The following RYR1 variants were observed in gnomAD, a reference collection of about 807,000 sequenced individuals.
The protein encoded by RYR1 is ryanodine receptor 1.
Under a neutral mutation model 583.5 loss-of-function variants are expected in RYR1, and 342 were observed. The ratio of observed to expected loss-of-function variants is 0.59; its 90% CI spans 0.54 to 0.64. The LOEUF is 0.64. Among genes scored for constraint, RYR1 ranks in the 30% least tolerant of loss-of-function variants. The pLI, the probability that RYR1 is intolerant of heterozygous loss-of-function variation, is 0.00. For synonymous variants in RYR1, 2,791 were observed against 2,822.5 expected (o/e 0.99, Z 0.35); for missense variants, 6,032 against 6,917.2 (o/e 0.87, Z 4.54).
chr19:38,518,364 A>C (rs190644644), intron 66 of RYR1, among the ~76,000 whole-genome samples: 5 of 149,888 alleles, frequency 3.3e-5, no homozygotes, highest in Admixed American at 1.3e-4. Context: ...GTTCAAGACT[A>C]GCCTGGGCAA....
chr19:38,514,469 T>TG (rs1970866472), intron 63 of RYR1, among the ~76,000 whole-genome samples: 1 of 151,480 alleles, frequency 6.6e-6, no homozygotes, highest in African/African-American at 2.4e-5. Context: ...TTAGTAGAGA[T>TG]GGGGTTTCAC....
intron 16 of RYR1, among the ~76,000 whole-genome samples, chr19:38,455,967 GTTTTT>G (rs201725585): frequency 4.1e-4 from 45 of 108,448 alleles, no homozygotes; most frequent in East Asian, 2.3e-3. Context: ...TCTCTGAAAT[GTTTTT>G]TTTTTTTTTT....
chr19:38,533,435 C>A (rs1380042388), intron 78 of RYR1, among the ~76,000 whole-genome samples: 1 of 152,158 alleles, frequency 6.6e-6, no homozygotes, highest in Non-Finnish European at 1.5e-5. Context: ...TATTGAATAG[C>A]TATCAAAATA....
chr19:38,473,725 G>A lies in RYR1; in HGVS notation c.4114G>A (p.Ala1372Thr). ...GGGGGGAGAGGCGCAGCCCGCCAGG[G>A]CGGAGAATGAGAAGGATGCCACCAC... ...QAGGEAQPAR[A>T]ENEKDATTEK... is the part of the protein sequence containing the mutation. Residue 1372 changes from alanine to threonine, a missense_variant, in exon 28 of 106, where the codon GCG becomes ACG. By Grantham distance (58) the Ala-to-Thr change is moderately conservative. Coordinates refer to ENST00000359596, the MANE Select transcript of RYR1 (RefSeq NM_000540.3). 1 of 1,546,320 alleles carries A rather than the reference G, an allele frequency of 6.5e-7. No homozygotes were observed. The highest frequency in any genetic ancestry group is 8.7e-7 in the Non-Finnish European group (1 of 1,145,304).
intron 72 of RYR1, 40 bp downstream of exon 72, chr19:38,527,092 A>G: frequency 6.2e-7 from 1 of 1,603,282 alleles, no homozygotes; most frequent in Non-Finnish European, 8.5e-7. Context: ...AGCAAGTCAG[A>G]AAGTAACCAC....
intron 20 of RYR1, 114 bp from the exon 21 acceptor site, chr19:38,463,309 G>C (rs1215832666): frequency 2.4e-6 from 2 of 826,822 alleles, no homozygotes; most frequent in Non-Finnish European, 4.0e-6. Flanking sequence ...TGGATGGTGG[G>C]AAAGGGGGTG....
At position 38,460,517 on chromosome 19, in the gene RYR1, G is replaced by T. The variant is rs763120698; in HGVS notation, c.2503G>T (p.Gly835Trp). The T allele has an allele frequency of 2.7e-5, 44 of 1,614,042 alleles. No homozygotes were observed. The highest frequency in any genetic ancestry group is 3.2e-5 in the Non-Finnish European group (38 of 1,180,044). Residue 835 changes from glycine to tryptophan, a missense_variant, in exon 20 of 106, where the codon GGG becomes TGG. Transcript: ENST00000359596. Reference protein sequence around the residue: ...IKEYRREGPRGPHLVGPSRCL... With the variant: ...IKEYRREGPRWPHLVGPSRCL... ...GGAGTATCGACGGGAGGGGCCCCGG[G>T]GGCCTCACCTGGTGGGCCCCAGTCG...
At chr19:38,468,936 A>G (rs1968267718) in intron 25 of RYR1, 30 bp from the exon 26 acceptor site, 4 of 1,612,898 alleles carry the variant, frequency 2.5e-6, no homozygotes, top group Non-Finnish European at 3.4e-6. Context: ...GTGTCTCCCC[A>G]CACCATGTCT....
intron 90 of RYR1, among the ~76,000 whole-genome samples, chr19:38,563,902 G>A (rs546474180): frequency 1.2e-4 from 18 of 152,160 alleles, no homozygotes; most frequent in African/African-American, 4.3e-4. Context: ...AACTTTCTGG[G>A]CCTCCCTGTC....
At chr19:38,585,376 ATATATATATATGTTTATT>A (rs1308051393) in intron 102 of RYR1, among the ~76,000 whole-genome samples, 2 of 147,288 alleles carry the variant, frequency 1.4e-5, no homozygotes, top group South Asian at 2.1e-4. Flanking sequence ...TGAGATATAT[ATATATATATATGTTTATT>A]TATATATATA....
rs763113429 is a variant in RYR1 at position 38,478,575 on chromosome 19, G to A, written c.4595G>A (p.Gly1532Asp). The change falls in exon 31 of 106, where the codon GGC (glycine) becomes GAC (aspartate). Residue 1532 changes from glycine (G) to aspartate (D), a missense_variant. Coordinates refer to ENST00000359596, the MANE Select transcript of RYR1 (RefSeq NM_000540.3). ...ATGLMTFTANGKESNTFFQVE... is the reference protein window; with the variant it reads ...ATGLMTFTANDKESNTFFQVE... ...GGCTTAATGACCTTTACAGCCAATG[G>A]CAAAGAGAGCAACACCTTTTTCCAG... 1.9e-6 allele frequency: 3 copies of A among 1,613,142 alleles called. No individual in the cohort carries two copies. The highest frequency in any genetic ancestry group is 2.5e-6 in the Non-Finnish European group (3 of 1,180,006).
At position 38,473,625 on chromosome 19, in the gene RYR1, T is replaced by G. The variant is rs1254083981; in HGVS notation, c.4014T>G (p.Ala1338=). The change falls in exon 28 of 106, where the codon GCT becomes GCG. Residue 1338 remains alanine (A), a synonymous_variant. Coordinates refer to ENST00000359596, the MANE Select transcript of RYR1 (RefSeq NM_000540.3). ...ACTACGAAAACCTGCGCCGCTCAGC[T>G]GGGGGCTGGAGCGAGGCAGAGAACG... The part of the protein sequence containing the change: ...DPDYENLRRS[A]GGWSEAENGK... 1 of 1,564,786 alleles carries G rather than the reference T, an allele frequency of 6.4e-7. No homozygotes were observed. The highest frequency in any genetic ancestry group is 8.7e-7 in the Non-Finnish European group (1 of 1,155,024).
intron 7 of RYR1, among the ~76,000 whole-genome samples, chr19:38,445,996 A>G (rs919140480): frequency 6.6e-6 from 1 of 152,100 alleles, no homozygotes; most frequent in Non-Finnish European, 1.5e-5. Flanking sequence ...TAAAAACAAA[A>G]CTAAACAAAA....
intron 29 of RYR1, 92 bp from the exon 30 acceptor site, chr19:38,477,618 C>T (rs1215948414): frequency 3.9e-6 from 6 of 1,527,972 alleles, no homozygotes; most frequent in African/African-American, 2.7e-5. Flanking sequence ...TCCCAGAGGA[C>T]CCAACAGTCC....
chr19:38,572,746 C>G (rs542427178), intron 95 of RYR1, among the ~76,000 whole-genome samples: 181 of 152,066 alleles, frequency 1.2e-3, no homozygotes, highest in African/African-American at 4.1e-3. Context: ...CATCCTGGCC[C>G]GATCCCTCTG....
intron 17 of RYR1, 33 bp from the exon 18 acceptor site, chr19:38,458,018 T>C (rs781771273): frequency 6.2e-7 from 1 of 1,610,942 alleles, no homozygotes; most frequent in Admixed American, 1.7e-5. Flanking sequence ...TGCCTCTCCG[T>C]CATCCCCCTC....
At chr19:38,519,670 GT>G (rs372590409) in intron 67 of RYR1, among the ~76,000 whole-genome samples, 2 of 151,054 alleles carry the variant, frequency 1.3e-5, no homozygotes, top group South Asian at 2.1e-4. Flanking sequence ...TGGTTTTTGG[GT>G]TTTTTTTTGT....
At chr19:38,526,678 A>AC (rs1225040423) in intron 71 of RYR1, among the ~76,000 whole-genome samples, 1 of 146,256 alleles carries the variant, frequency 6.8e-6, no homozygotes, top group Non-Finnish European at 1.5e-5. Flanking sequence ...CCCCACTCTG[A>AC]CCCCCCAGTC....
rs553514949 is a variant in RYR1 at position 38,503,688 on chromosome 19, T to G, written c.7927-532T>G. Reference sequence around the variant, plus strand: ...CTCTGGAGGCTGAGGCTGGAGAATTTCTTGAACCTGGGAGGCGGAGGTTGC... The same window carrying G: ...CTCTGGAGGCTGAGGCTGGAGAATTGCTTGAACCTGGGAGGCGGAGGTTGC... On this transcript the variant is annotated intron_variant, in intron 49 of 105. Transcript: ENST00000359596. Among the ~76,000 whole-genome samples, 316 of 151,990 alleles carry G rather than the reference T, an allele frequency of 2.1e-3. 3 individuals carry two copies. The highest frequency in any genetic ancestry group is 7.3e-3 in the African/African-American group (304 of 41,424).
Sources: allele counts gnomAD v4.1 joint callset (sites outside exome capture counted in the v4.1 genomes callset), GRCh38; gene constraint gnomAD v4.1.1; transcripts MANE v1.5; gene names NCBI Gene and HGNC (gene_info 2026-07-23, HGNC 2026-07-21).